Variants in MAMLD1 observed in about 807,000 individuals in gnomAD.
MAMLD1 encodes mastermind-like domain-containing protein 1.
MAMLD1 carries 14 observed loss-of-function variants against 45.0 expected under a neutral mutation model. That is an observed-to-expected ratio of 0.31 (90% CI 0.21 to 0.49). The LOEUF (loss-of-function observed/expected upper bound fraction) is 0.49. Among genes scored for constraint, MAMLD1 ranks in the 20% least tolerant of loss-of-function variants. The pLI is 0.99. For missense variants in MAMLD1, 543 were observed against 603.6 expected (o/e 0.90, Z 1.05); for synonymous variants, 254 against 247.8 (o/e 1.02, Z -0.24).
intron 1 of MAMLD1, among the ~76,000 whole-genome samples, chrX:150,369,364 G>A (rs1302324107): frequency 1.8e-5 from 2 of 112,038 alleles, no homozygotes; most frequent in Non-Finnish European, 3.8e-5. Context: ...TCATTTTCTG[G>A]GAAAGTGAAA....
chrX:150,452,795 T>C (rs1240035268), intron 2 of MAMLD1, among the ~76,000 whole-genome samples: 1 of 87,068 alleles, frequency 1.1e-5, no homozygotes, highest in African/African-American at 4.5e-5. Context: ...ATGTTCCCCT[T>C]CCCGTGTCCA....
intron 1 of MAMLD1, among the ~76,000 whole-genome samples, chrX:150,444,386 G>C (rs2035421423): frequency 8.9e-6 from 1 of 111,739 alleles, no homozygotes; most frequent in Non-Finnish European, 1.9e-5. Context: ...TTCTTTGTTA[G>C]TGCCCATTGG....
intron 1 of MAMLD1, among the ~76,000 whole-genome samples, chrX:150,396,177 T>TTTTC (rs2033410826): frequency 1.1e-5 from 1 of 87,165 alleles, no homozygotes; most frequent in Non-Finnish European, 2.3e-5. Context: ...TTTTTTTTTT[T>TTTTC]GTGGAGGCTT....
chrX:150,420,627 T>C (rs2034457834), intron 1 of MAMLD1, among the ~76,000 whole-genome samples: 1 of 112,489 alleles, frequency 8.9e-6, no homozygotes, highest in Admixed American at 9.4e-5. Context: ...GGTGTGGATG[T>C]ACTTTCTGTT....
chrX:150,433,094 G>GT (rs1557404135), intron 1 of MAMLD1, among the ~76,000 whole-genome samples: 1 of 110,422 alleles, frequency 9.1e-6, no homozygotes, highest in Admixed American at 9.6e-5. Context: ...TATTTGAGCA[G>GT]TTTTTTTTAG....
intron 5 of MAMLD1, among the ~76,000 whole-genome samples, chrX:150,487,389 A>C (rs1487838967): frequency 8.9e-6 from 1 of 112,475 alleles, no homozygotes; most frequent in Non-Finnish European, 1.9e-5. Flanking sequence ...TCAGGAAAGT[A>C]AATTTTCTGG....
At chrX:150,408,862 C>T (rs2124532270) in intron 1 of MAMLD1, among the ~76,000 whole-genome samples, 1 of 112,200 alleles carries the variant, frequency 8.9e-6, no homozygotes, top group Admixed American at 9.4e-5. Flanking sequence ...CTGTAAGCCA[C>T]TTGTATATGC....
At chrX:150,430,686 T>A (rs781911850) in intron 1 of MAMLD1, among the ~76,000 whole-genome samples, 12 of 112,260 alleles carry the variant, frequency 1.1e-4, no homozygotes, top group African/African-American at 3.9e-4. Flanking sequence ...ATGTTTTGCC[T>A]ATAGATATTC....
intron 1 of MAMLD1, among the ~76,000 whole-genome samples, chrX:150,388,091 G>T (rs1441924901): frequency 1.8e-5 from 2 of 111,694 alleles, no homozygotes; most frequent in African/African-American, 6.5e-5. Flanking sequence ...TTATGTAAAA[G>T]TGGCACTAAT....
At chrX:150,371,140 G>A (rs993005214) in intron 1 of MAMLD1, among the ~76,000 whole-genome samples, 7 of 111,429 alleles carry the variant, frequency 6.3e-5, no homozygotes, top group East Asian at 2.8e-4. Context: ...CACAGCCAGT[G>A]CCCCTTTCTG....
At position 150,398,254 on chromosome X, in the gene MAMLD1, GAAGAAGA is replaced by G. The variant is rs1569564545; in HGVS notation, c.-64+34726_-64+34732del. 3.1e-3 allele frequency among the ~76,000 whole-genome samples: 68 copies of G among 21,841 alleles called. 1 individual carries two copies. Among genetic ancestry groups the G allele is most frequent in the Middle Eastern group, 0.027 (1 of 37 alleles). The allele number at this position is 21,841 out of a possible 115,157, so 19.0% of individuals were successfully genotyped here. A position where few individuals can be genotyped will look rare whatever the true frequency, so the allele number is the denominator to read the frequency against. On this transcript the variant is annotated intron_variant, in intron 1 of 7. Transcript: ENST00000370401. ...AGAAGAAGGAGAAGGAGGAGAAGGA[GAAGAAGA>G]AGAAGAAGAAGAAGAAGAAGAAGAA...
chrX:150,484,505 A>T (rs2036923543), intron 5 of MAMLD1, among the ~76,000 whole-genome samples: 1 of 112,281 alleles, frequency 8.9e-6, no homozygotes, highest in South Asian at 3.7e-4. Flanking sequence ...GCCTCTGGCA[A>T]TGGCCTTGAC....
intron 5 of MAMLD1, among the ~76,000 whole-genome samples, chrX:150,484,777 C>A (rs1417076765): frequency 1.8e-5 from 2 of 112,641 alleles, no homozygotes; most frequent in Non-Finnish European, 3.7e-5. Context: ...TGTGATTTGT[C>A]AGAGCTAGAT....
intron 1 of MAMLD1, among the ~76,000 whole-genome samples, chrX:150,428,090 C>T (rs2124566641): frequency 9.0e-6 from 1 of 111,037 alleles, no homozygotes; most frequent in East Asian, 2.9e-4. Context: ...ACTGGGGTGC[C>T]TTCAGAGCCC....
intron 1 of MAMLD1, among the ~76,000 whole-genome samples, chrX:150,398,296 G>GAAGAAGAAGAAGAAC (rs2033549980): frequency 1.1e-5 from 1 of 90,384 alleles, no homozygotes; most frequent in African/African-American, 4.3e-5. Context: ...AGAAGAAGAA[G>GAAGAAGAAGAAGAAC]AAGAAGAAGA....
chrX:150,363,299 G>T (rs1241750576), upstream of MAMLD1: 1 of 113,145 alleles, frequency 8.8e-6, no homozygotes, highest in African/African-American at 3.2e-5. Flanking sequence ...GGAGCCGGGC[G>T]GTGGGAATGG....
intron 1 of MAMLD1, among the ~76,000 whole-genome samples, chrX:150,424,911 A>G (rs1333686272): frequency 8.9e-6 from 1 of 112,000 alleles, no homozygotes; most frequent in Non-Finnish European, 1.9e-5. Flanking sequence ...TCCTTCCCCT[A>G]GCCCTAGGCA....
intron 2 of MAMLD1, among the ~76,000 whole-genome samples, chrX:150,461,446 G>C (rs782292594): frequency 8.9e-6 from 1 of 112,464 alleles, no homozygotes; most frequent in African/African-American, 3.2e-5. Context: ...AGGAAAGTCT[G>C]GCTTTTGTAG....
intron 1 of MAMLD1, among the ~76,000 whole-genome samples, chrX:150,404,578 A>G (rs2124526868): frequency 9.0e-6 from 1 of 111,682 alleles, no homozygotes; most frequent in South Asian, 3.8e-4. Context: ...AAATATCTAA[A>G]GTACAATTTG....
Sources: gnomAD v4.1 joint callset for allele counts (sites outside exome capture counted in the v4.1 genomes callset) on GRCh38, gnomAD v4.1.1 for gene constraint, MANE v1.5 for transcripts, NCBI Gene and HGNC (gene_info 2026-07-23, HGNC 2026-07-21) for gene names.